Variants in GRID2 observed in about 807,000 individuals in gnomAD.
The protein encoded by GRID2 is glutamate receptor ionotropic, delta-2.
GRID2 carries 33 observed loss-of-function variants against 114.8 expected under a neutral mutation model. That is an observed-to-expected ratio of 0.29 (90% CI 0.22 to 0.38). The LOEUF (loss-of-function observed/expected upper bound fraction) is 0.38. Among genes scored for constraint, GRID2 ranks in the 10% least tolerant of loss-of-function variants. The pLI is 1.00. For missense variants in GRID2, 1,184 were observed against 1,257.7 expected (o/e 0.94, Z 0.89); for synonymous variants, 505 against 449.9 (o/e 1.12, Z -1.55).
intron 1 of GRID2, among the ~76,000 whole-genome samples, chr4:92,514,695 A>G (rs1299936028): frequency 6.6e-6 from 1 of 151,916 alleles, no homozygotes; most frequent in Non-Finnish European, 1.5e-5. Flanking sequence ...TGTGACAAAA[A>G]GGACAGAAGT....
In GRID2 at chr4:93,503,535, C is replaced by T. The variant is rs2149476908; in HGVS notation, c.1998-11681C>T. On this transcript the variant is annotated intron_variant, in intron 12 of 15. Coordinates refer to ENST00000282020, the MANE Select transcript of GRID2 (RefSeq NM_001510.4). ...GTTCCCCTTCCTGTGTCCATGTGTTCTCATTGTTCAATTCCCACCTATGAG... is the reference window on the plus strand; with the variant it reads ...GTTCCCCTTCCTGTGTCCATGTGTTTTCATTGTTCAATTCCCACCTATGAG... Among the ~76,000 whole-genome samples the T allele has an allele frequency of 2.1e-5, 3 of 145,628 alleles. No individual in the cohort carries two copies. In the Admixed American group the frequency reaches 2.1e-4, roughly 10 times the overall value.
chr4:93,607,641 G>C (rs1740389695), intron 13 of GRID2, among the ~76,000 whole-genome samples: 1 of 152,058 alleles, frequency 6.6e-6, no homozygotes, highest in African/African-American at 2.4e-5. Flanking sequence ...ACATTTTCCT[G>C]TTTCCACTAG....
At chr4:93,747,950 A>T (rs1338588768) in intron 14 of GRID2, among the ~76,000 whole-genome samples, 1 of 152,140 alleles carries the variant, frequency 6.6e-6, no homozygotes, top group East Asian at 1.9e-4. Context: ...TTGCAGAGGA[A>T]ATGTCTTCTA....
At chr4:93,172,619 T>C (rs904499700) in intron 4 of GRID2, among the ~76,000 whole-genome samples, 2 of 151,588 alleles carry the variant, frequency 1.3e-5, no homozygotes, top group African/African-American at 4.8e-5. Flanking sequence ...AAGAAAATAA[T>C]GACAGTTGCT....
chr4:93,532,586 A>G (rs919066517), intron 13 of GRID2, among the ~76,000 whole-genome samples: 6 of 152,164 alleles, frequency 3.9e-5, no homozygotes, highest in Non-Finnish European at 8.8e-5. Flanking sequence ...GCTGTGCTTG[A>G]ATTGTGAAGC....
At chr4:93,150,238 A>G (rs1736615918) in intron 4 of GRID2, among the ~76,000 whole-genome samples, 1 of 152,140 alleles carries the variant, frequency 6.6e-6, no homozygotes, top group Non-Finnish European at 1.5e-5. Flanking sequence ...GGAAAATTTA[A>G]GGAGGTAATT....
intron 8 of GRID2, among the ~76,000 whole-genome samples, chr4:93,279,609 T>C (rs906392037): frequency 6.6e-6 from 1 of 151,938 alleles, no homozygotes; most frequent in African/African-American, 2.4e-5. Flanking sequence ...TACATTTATA[T>C]GTTTGCTTGA....
chr4:93,573,924 G>C (rs1393619387), intron 13 of GRID2, among the ~76,000 whole-genome samples: 1 of 152,048 alleles, frequency 6.6e-6, no homozygotes, highest in African/African-American at 2.4e-5. Context: ...CTGAGACTTA[G>C]TTTATTTGTA....
At chr4:93,114,709 T>C (rs1246150692) in intron 4 of GRID2, among the ~76,000 whole-genome samples, 1 of 152,120 alleles carries the variant, frequency 6.6e-6, no homozygotes, top group African/African-American at 2.4e-5. Flanking sequence ...TCTAGGATTG[T>C]TTCTTTTGAG....
At chr4:93,330,203 A>T (rs1260583054) in intron 8 of GRID2, among the ~76,000 whole-genome samples, 1 of 152,174 alleles carries the variant, frequency 6.6e-6, no homozygotes, top group African/African-American at 2.4e-5. Flanking sequence ...TTAAAATAAC[A>T]TAGTAGTGCA....
chr4:93,202,771 TA>T (rs777038836), intron 4 of GRID2, among the ~76,000 whole-genome samples: 2 of 152,118 alleles, frequency 1.3e-5, no homozygotes, highest in African/African-American at 2.4e-5. Context: ...TTAGGTAAAT[TA>T]TTTTTTTGTA....
chr4:92,373,432 GC>G (rs1411878000), intron 1 of GRID2, among the ~76,000 whole-genome samples: 1 of 152,286 alleles, frequency 6.6e-6, no homozygotes, highest in South Asian at 2.1e-4. Flanking sequence ...AGCTGTGTCA[GC>G]CCAACTTCTA....
At chr4:92,742,815 C>G (rs1306118012) in intron 2 of GRID2, among the ~76,000 whole-genome samples, 1 of 152,166 alleles carries the variant, frequency 6.6e-6, no homozygotes, top group Admixed American at 6.5e-5. Context: ...TCAGGAACCT[C>G]TCTCTAGGAA....
chr4:93,489,812 T>C (rs772262390), intron 11 of GRID2, among the ~76,000 whole-genome samples: 69 of 151,842 alleles, frequency 4.5e-4, no homozygotes, highest in Non-Finnish European at 7.5e-4. Context: ...GAGAGTTAAT[T>C]TGGGAGTAAA....
chr4:92,939,433 T>C (rs371968309), intron 2 of GRID2, among the ~76,000 whole-genome samples: 1 of 147,348 alleles, frequency 6.8e-6, no homozygotes, highest in African/African-American at 2.4e-5. Flanking sequence ...TCTTGTAAAT[T>C]TGTTTGAGTT....
chr4:92,921,608 T>C (rs1039648969), intron 2 of GRID2, among the ~76,000 whole-genome samples: 3 of 152,124 alleles, frequency 2.0e-5, no homozygotes, highest in Non-Finnish European at 2.9e-5. Context: ...TTGCTGGAGG[T>C]CCACTCCAGA....
Position 93,744,367 on chromosome 4 carries a change from A to G in GRID2, c.2361-24843A>G, listed in dbSNP as rs572820421. On this transcript the variant is annotated intron_variant, in intron 14 of 15. Transcript: ENST00000282020. Reference sequence around the variant, plus strand: ...TTCTGGAAAGGAGTCACCATTCTATACACCATAATCTTCAGGATTCATGGA... The same window carrying G: ...TTCTGGAAAGGAGTCACCATTCTATGCACCATAATCTTCAGGATTCATGGA... Among the ~76,000 whole-genome samples, 6 of 152,336 alleles carry G rather than the reference A, an allele frequency of 3.9e-5. No individual in the cohort carries two copies. The South Asian group carries it at 8.3e-4, about 21-fold the overall frequency.
chr4:92,855,951 T>C (rs1744149976), intron 2 of GRID2, among the ~76,000 whole-genome samples: 1 of 152,122 alleles, frequency 6.6e-6, no homozygotes, highest in African/African-American at 2.4e-5. Flanking sequence ...TGTCACGCGA[T>C]GTTTCAGGCT....
chr4:92,995,693 A>T (rs1158814743), intron 2 of GRID2, among the ~76,000 whole-genome samples: 1 of 152,170 alleles, frequency 6.6e-6, no homozygotes, highest in Admixed American at 6.5e-5. Flanking sequence ...CATTACTTTG[A>T]TATCATTTCA....
Sources: gnomAD v4.1 joint callset for allele counts (sites outside exome capture counted in the v4.1 genomes callset) on GRCh38, gnomAD v4.1.1 for gene constraint, MANE v1.5 for transcripts, NCBI Gene and HGNC (gene_info 2026-07-23, HGNC 2026-07-21) for gene names.